Variants in POLR3F observed in about 807,000 individuals in gnomAD.
POLR3F encodes RNA polymerase III subunit F, also known as DNA-directed RNA polymerase III subunit RPC6.
Under a neutral mutation model 43.6 loss-of-function variants are expected in POLR3F, and 31 were observed. The observed-to-expected ratio is 0.71, with a 90% confidence interval of 0.53 to 0.96. The LOEUF is 0.96. Ranked by LOEUF, POLR3F falls within the 40% of genes least tolerant of loss-of-function variation. POLR3F has a pLI of 0.00. For missense variants in POLR3F, 316 were observed against 391.7 expected, an observed-to-expected ratio of 0.81 and a Z score of 1.63; for synonymous variants, 114 against 132.5, an observed-to-expected ratio of 0.86 and a Z score of 0.96.
rs2424208 is a variant in POLR3F, at chr20:18,473,686, G to C, written c.316+228G>C. 6.4e-4 allele frequency among the ~76,000 whole-genome samples: 98 copies of C among 152,154 alleles called. No individual in the cohort carries two copies. The East Asian group carries it at 0.017, about 26-fold the overall frequency. ...GCTGTGTCCAGGGATGGAAAAAGAC[G>C]TCTGAATTCTGAGTCACATGAATGT... is the stretch of plus-strand genomic sequence containing the variant. On this transcript the variant is annotated intron_variant, in intron 4 of 8. Transcript: ENST00000377603.
chr20:18,476,489 G>A (rs11908275), intron 5 of POLR3F, among the ~76,000 whole-genome samples: 50 of 152,166 alleles, frequency 3.3e-4, no homozygotes, highest in African/African-American at 1.0e-3. Context: ...TCATTCATCC[G>A]TTGGTGAACT....
At position 18,483,619 on chromosome 20, in the gene POLR3F, T is replaced by G. The variant is rs985247763; in HGVS notation, c.*61T>G. The G allele has an allele frequency of 4.4e-6, 3 of 682,458 alleles. No individual in the cohort carries two copies. The highest frequency in any genetic ancestry group is 7.4e-6 in the Non-Finnish European group (3 of 403,708). 42.3% of individuals were successfully genotyped at this position (682,458 alleles called of 1,614,324 possible). A position where few individuals can be genotyped will look rare whatever the true frequency, so the allele number is the denominator to read the frequency against. On this transcript the variant is annotated 3_prime_UTR_variant, in exon 9 of 9. Coordinates refer to ENST00000377603, the MANE Select transcript of POLR3F (RefSeq NM_006466.4). ...GAAGTTACTTAGGGAGCAGATAATT[T>G]AATTCATGATGGAACACGAAATCTC... is the stretch of plus-strand genomic sequence containing the variant.
rs16979236 is a variant in POLR3F at position 18,480,899 on chromosome 20, T to G, written c.681+390T>G. 2.6e-3 allele frequency among the ~76,000 whole-genome samples: 392 copies of G among 152,270 alleles called. 7 individuals carry two copies. Among genetic ancestry groups the G allele is most frequent in the Admixed American group, 0.021 (327 of 15,286 alleles). Reference sequence around the variant, plus strand: ...GCTTTTCACAGTGAAGAAATCAAAGTGGCCATTTTGGACATGTCACTTTAA... The same window carrying G: ...GCTTTTCACAGTGAAGAAATCAAAGGGGCCATTTTGGACATGTCACTTTAA... On this transcript the variant is annotated intron_variant, in intron 7 of 8. Coordinates refer to ENST00000377603, the MANE Select transcript of POLR3F (RefSeq NM_006466.4).
At chr20:18,482,032 G>A (rs1392683286) in intron 8 of POLR3F, among the ~76,000 whole-genome samples, 8 of 139,052 alleles carry the variant, frequency 5.8e-5, no homozygotes, top group Admixed American at 3.2e-4. Context: ...CTATCACCGA[G>A]GCTGGAGTGC....
chr20:18,471,761 T>C (rs1290873571), intron 2 of POLR3F, among the ~76,000 whole-genome samples: 1 of 152,208 alleles, frequency 6.6e-6, no homozygotes, highest in East Asian at 1.9e-4. Flanking sequence ...GGTAGGCGGA[T>C]CACTAGAGGC....
chr20:18,479,931 A>G (rs1449780925), intron 5 of POLR3F, 107 bp from the exon 6 acceptor site: 2 of 745,456 alleles, frequency 2.7e-6, no homozygotes, highest in Non-Finnish European at 4.4e-6. Flanking sequence ...TCTGTGTACT[A>G]TCTTTGCAAT....
At chr20:18,480,562 A>C in intron 7 of POLR3F, 53 bp downstream of exon 7, 1 of 1,020,042 alleles carries the variant, frequency 9.8e-7, no homozygotes, top group Non-Finnish European at 1.5e-6. Flanking sequence ...GTCACATACA[A>C]TGTATTCCAA....
chr20:18,478,200 G>C (rs1158217724), intron 5 of POLR3F, among the ~76,000 whole-genome samples: 1 of 151,648 alleles, frequency 6.6e-6, no homozygotes, highest in Non-Finnish European at 1.5e-5. Flanking sequence ...AAGGGACAAA[G>C]TCTAGCCAAA....
chr20:18,481,614 T>G lies in POLR3F; in HGVS notation c.682-5T>G, dbSNP rs1184940592. On this transcript the variant is annotated splice_polypyrimidine_tract_variant and splice_region_variant and intron_variant, in intron 7 of 8. Coordinates refer to ENST00000377603, the MANE Select transcript of POLR3F (RefSeq NM_006466.4). ...TGTGTCCTTTCTGATGTATCCCTTT[T>G]TTAGGTAGAGTTATCCATGGAAGAC... The G allele has an allele frequency of 2.5e-6, 4 of 1,590,504 alleles. No individual in the cohort carries two copies. The highest frequency in any genetic ancestry group is 3.3e-4 in the Middle Eastern group (2 of 6,020).
chr20:18,468,368 C>T (rs1471142894), intron 1 of POLR3F, among the ~76,000 whole-genome samples: 2 of 152,232 alleles, frequency 1.3e-5, no homozygotes, highest in Non-Finnish European at 2.9e-5. Context: ...AGCCACCGCG[C>T]CCGGCCCAGT....
rs2059810722 is a variant in POLR3F at position 18,481,701 on chromosome 20, CA to C, written c.768del (p.Glu257LysfsTer7). On this transcript the variant is annotated frameshift_variant, in exon 8 of 9. Transcript: ENST00000377603. LOFTEE classifies it high-confidence loss of function. ...AAAGTGGAGATGACGATTATTGCTG[CA>C]AAAGAAGGCACAGTTGGCAGTGTAG... Reference protein sequence around the residue: ...DGKVEMTIIAAKEGTVGSVDG... With the variant: ...DGKVEMTIIAXKEGTVGSVDG... 1 of 1,612,262 alleles carries C rather than the reference CA, an allele frequency of 6.2e-7. No individual in the cohort carries two copies. The highest frequency in any genetic ancestry group is 8.5e-7 in the Non-Finnish European group (1 of 1,178,390).
rs776096904 is a variant in POLR3F at position 18,478,798 on chromosome 20, T to G, written c.430-1240T>G. ...TGACATCCCGATGGCAATGAACACATCTAGTGCCCAAGTCGTGGTTTCTAT... is the reference window on the plus strand; with the variant it reads ...TGACATCCCGATGGCAATGAACACAGCTAGTGCCCAAGTCGTGGTTTCTAT... On this transcript the variant is annotated intron_variant, in intron 5 of 8. Transcript: ENST00000377603. 8.5e-5 allele frequency among the ~76,000 whole-genome samples: 13 copies of G among 152,084 alleles called. No homozygotes were observed. In the South Asian group the frequency reaches 1.0e-3, roughly 12 times the overall value.
At chr20:18,470,101 G>A (rs1178929663) in intron 2 of POLR3F, among the ~76,000 whole-genome samples, 6 of 152,288 alleles carry the variant, frequency 3.9e-5, no homozygotes, top group East Asian at 3.9e-4. Flanking sequence ...AAGTGGTGCC[G>A]ATGCTCTAAA....
At position 18,475,072 on chromosome 20, in the gene POLR3F, T is replaced by C. The variant is rs1410372131; in HGVS notation, c.317-3T>C. 9 of 1,205,034 alleles carry C rather than the reference T, an allele frequency of 7.5e-6. No homozygotes were observed. Among genetic ancestry groups the C allele is most frequent in the African/African-American group, 3.0e-5 (2 of 65,884 alleles). 74.6% of individuals were successfully genotyped at this position (1,205,034 alleles called of 1,614,324 possible). ...CAACTTATTTTACTTTACTTTCTTA[T>C]AGGAATATGGAGCAGAGATATCCGC... On this transcript the variant is annotated splice_region_variant and splice_polypyrimidine_tract_variant and intron_variant, in intron 4 of 8. Transcript: ENST00000377603.
rs1415216456 is a variant in POLR3F, at chr20:18,484,075, G to T, written c.*517G>T. On this transcript the variant is annotated 3_prime_UTR_variant, in exon 9 of 9. Coordinates refer to ENST00000377603, the MANE Select transcript of POLR3F (RefSeq NM_006466.4). ...AAGAGTGCAAACTTGGGGTATGACT[G>T]GGGGAGAGTGGAACATGCCTTTTCC... 8 of 398,354 alleles carry T rather than the reference G, an allele frequency of 2.0e-5. No individual in the cohort carries two copies. Among genetic ancestry groups the T allele is most frequent in the Non-Finnish European group, 3.5e-5 (8 of 226,064 alleles). 24.7% of individuals were successfully genotyped at this position (398,354 alleles called of 1,614,324 possible). A position where few individuals can be genotyped will look rare whatever the true frequency, so the allele number is the denominator to read the frequency against.
chr20:18,483,391 T>C, intron 8 of POLR3F, 90 bp from the exon 9 acceptor site: 1 of 662,134 alleles, frequency 1.5e-6, no homozygotes, highest in Non-Finnish European at 2.6e-6. Context: ...AGTTTGAAAG[T>C]TTTGTTTTTA....
chr20:18,468,367 G>A (rs986531420), intron 1 of POLR3F, among the ~76,000 whole-genome samples: 11 of 152,158 alleles, frequency 7.2e-5, no homozygotes, highest in Admixed American at 2.6e-4. Flanking sequence ...GAGCCACCGC[G>A]CCCGGCCCAG....
In POLR3F at chr20:18,472,825, A is replaced by G. The variant is rs750937094; in HGVS notation, c.181-17A>G. On this transcript the variant is annotated splice_polypyrimidine_tract_variant and intron_variant, in intron 2 of 8. Transcript: ENST00000377603. ...CCAAAATAACTGACTCCTGTTTTCTACTGTCTTAAAAACTAGGGTCAGTTG... is the reference window on the plus strand; with the variant it reads ...CCAAAATAACTGACTCCTGTTTTCTGCTGTCTTAAAAACTAGGGTCAGTTG... The G allele has an allele frequency of 1.7e-6, 2 of 1,191,526 alleles. No homozygotes were observed. Among genetic ancestry groups the G allele is most frequent in the South Asian group, 2.9e-5 (2 of 68,264 alleles). The allele number at this position is 1,191,526 out of a possible 1,614,324, so 73.8% of individuals were successfully genotyped here.
intron 8 of POLR3F, among the ~76,000 whole-genome samples, 199 bp downstream of exon 8, chr20:18,482,009 A>C: frequency 1.8e-5 from 2 of 110,358 alleles, no homozygotes; most frequent in East Asian, 2.7e-4. Flanking sequence ...TTTTTTTGAG[A>C]CGGAGTCTCA....
Sources: gnomAD v4.1 joint callset for allele counts (sites outside exome capture counted in the v4.1 genomes callset) on GRCh38, gnomAD v4.1.1 for gene constraint, MANE v1.5 for transcripts, NCBI Gene and HGNC (gene_info 2026-07-23, HGNC 2026-07-21) for gene names.